ATP6V1G1: variants seen among roughly 807,000 people sequenced by gnomAD.
ATP6V1G1 encodes the protein V-type proton ATPase subunit G 1.
ATP6V1G1 carries 14 observed loss-of-function variants against 14.2 expected under a neutral mutation model. The observed-to-expected ratio is 0.99, with a 90% CI of 0.65 to 1.55. The LOEUF (loss-of-function observed/expected upper bound fraction) is 1.55. Ranked by LOEUF, ATP6V1G1 falls within the 40% of genes most tolerant of loss-of-function variation. The pLI, the probability that ATP6V1G1 is intolerant of heterozygous loss-of-function variation, is 0.00. For synonymous variants in ATP6V1G1, 65 were observed against 53.3 expected, an observed-to-expected ratio of 1.22 and a Z score of -0.96; for missense variants, 137 against 146.4, an observed-to-expected ratio of 0.94 and a Z score of 0.33.
chr9:114,594,365 A>C (rs1381353450), intron 2 of ATP6V1G1, among the ~76,000 whole-genome samples: 1 of 145,600 alleles, frequency 6.9e-6, no homozygotes, highest in African/African-American at 2.6e-5. Flanking sequence ...CACCGCGCCC[A>C]GCGCCCCCCG....
intron 2 of ATP6V1G1, among the ~76,000 whole-genome samples, chr9:114,594,385 T>C (rs1845214316): frequency 6.6e-6 from 1 of 150,732 alleles, no homozygotes; most frequent in Non-Finnish European, 1.5e-5. Flanking sequence ...GCCCCTTTTT[T>C]TTTTTTTTTC....
At chr9:114,591,804 C>CT (rs1564274135) in intron 1 of ATP6V1G1, among the ~76,000 whole-genome samples, 1 of 151,610 alleles carries the variant, frequency 6.6e-6, no homozygotes, top group African/African-American at 2.4e-5. Context: ...TCTAGAACCT[C>CT]TCTTTTTTTT....
chr9:114,588,521 G>GTT (rs776126721), intron 1 of ATP6V1G1, among the ~76,000 whole-genome samples: 6 of 143,906 alleles, frequency 4.2e-5, no homozygotes, highest in Non-Finnish European at 6.0e-5. Context: ...GTGTGTGTGT[G>GTT]TGTGTGTGTG....
intron 1 of ATP6V1G1, among the ~76,000 whole-genome samples, chr9:114,588,764 A>G (rs529881201): frequency 4.6e-5 from 7 of 152,058 alleles, no homozygotes; most frequent in Non-Finnish European, 8.8e-5. Flanking sequence ...CAGTCAATCC[A>G]TTCTCCTCTC....
At chr9:114,596,603 A>G (rs1002106200) in intron 2 of ATP6V1G1, among the ~76,000 whole-genome samples, 3 of 152,110 alleles carry the variant, frequency 2.0e-5, no homozygotes, top group Non-Finnish European at 4.4e-5. Context: ...AACTCCTTGT[A>G]TATTCCTCCT....
In ATP6V1G1 at chr9:114,597,832, A is replaced by T. The variant is rs1211379529; in HGVS notation, c.*89A>T. The T allele has an allele frequency of 3.3e-6, 4 of 1,195,504 alleles. No homozygotes were observed. The highest frequency in any genetic ancestry group is 4.3e-6 in the Non-Finnish European group (4 of 922,006). The allele number at this position is 1,195,504 out of a possible 1,614,324, so 74.1% of individuals were successfully genotyped here. ...ACAGCTCTAGTTACATTCTTATGAT[A>T]TGGCATTAAATTATTTCCATATATT... On this transcript the variant is annotated 3_prime_UTR_variant, in exon 3 of 3. Coordinates refer to ENST00000374050, the MANE Select transcript of ATP6V1G1 (RefSeq NM_004888.4).
At chr9:114,593,695 T>G (rs984837783) in intron 2 of ATP6V1G1, among the ~76,000 whole-genome samples, 1 of 152,004 alleles carries the variant, frequency 6.6e-6, no homozygotes, top group African/African-American at 2.4e-5. Context: ...GATAGGGTCT[T>G]GCTGTGTTGC....
In ATP6V1G1 at chr9:114,587,799, G is replaced by T. The variant is rs756894791; in HGVS notation, c.-40G>T. 7.7e-6 allele frequency: 12 copies of T among 1,557,162 alleles called. No individual in the cohort carries two copies. The highest frequency in any genetic ancestry group is 4.8e-5 in the East Asian group (2 of 41,878). On this transcript the variant is annotated 5_prime_UTR_variant, in exon 1 of 3. Coordinates refer to ENST00000374050, the MANE Select transcript of ATP6V1G1 (RefSeq NM_004888.4). ...AGCTGACCCAAGGGGCCTTCGAGGT[G>T]CCTTAGGCCGCTTGCCTTGCTCTCA...
At chr9:114,589,071 T>C (rs1249497235) in intron 1 of ATP6V1G1, among the ~76,000 whole-genome samples, 1 of 152,148 alleles carries the variant, frequency 6.6e-6, no homozygotes, top group African/African-American at 2.4e-5. Flanking sequence ...CCAATTCTCC[T>C]CCCCTTTGTT....
At chr9:114,597,483 A>T in intron 2 of ATP6V1G1, 87 bp from the exon 3 acceptor site, 1 of 1,357,568 alleles carries the variant, frequency 7.4e-7, no homozygotes, top group Non-Finnish European at 9.6e-7. Flanking sequence ...GGTTTCTCCA[A>T]AAGTCAACAA....
intron 1 of ATP6V1G1, among the ~76,000 whole-genome samples, chr9:114,589,790 G>T (rs75499107): frequency 2.1e-4 from 2 of 9,642 alleles, no homozygotes; most frequent in Non-Finnish European, 3.2e-4. Flanking sequence ...GCTTGGAATA[G>T]GTAAGAATAA....
In ATP6V1G1 at chr9:114,587,791, T is replaced by C. The variant is rs1845136844; in HGVS notation, c.-48T>C. On this transcript the variant is annotated 5_prime_UTR_variant, in exon 1 of 3. Coordinates refer to ENST00000374050, the MANE Select transcript of ATP6V1G1 (RefSeq NM_004888.4). ...GCTGTGTCAGCTGACCCAAGGGGCC[T>C]TCGAGGTGCCTTAGGCCGCTTGCCT... is the stretch of plus-strand genomic sequence containing the variant. 6.5e-7 allele frequency: 1 copy of C among 1,548,646 alleles called. No homozygotes were observed. The highest frequency in any genetic ancestry group is 8.7e-7 in the Non-Finnish European group (1 of 1,143,932).
At position 114,588,037 on chromosome 9, in the gene ATP6V1G1, C is replaced by T. The variant is rs571791879; in HGVS notation, c.82+117C>T. ...CGGGGTGCGGGCGTGCGTATAGTCG[C>T]GGAAGGTTGTGTGTTTCGAAGCTTT... On this transcript the variant is annotated intron_variant, in intron 1 of 2. Transcript: ENST00000374050. 1.2e-4 allele frequency: 138 copies of T among 1,140,994 alleles called. 3 individuals carry two copies. The South Asian group carries it at 1.9e-3, about 16-fold the overall frequency. 70.7% of individuals were successfully genotyped at this position (1,140,994 alleles called of 1,614,324 possible).
chr9:114,598,477 A>C lies in ATP6V1G1; in HGVS notation c.*734A>C, dbSNP rs1199287400. On this transcript the variant is annotated 3_prime_UTR_variant, in exon 3 of 3. Transcript: ENST00000374050. ...TGACCCAGATGGTCTGCAGAACTTC[A>C]CTTAGGACATTAGCACACAAATAGC... The C allele has an allele frequency of 1.3e-5, 2 of 152,420 alleles. No homozygotes were observed. Among genetic ancestry groups the C allele is most frequent in the Non-Finnish European group, 2.9e-5 (2 of 68,034 alleles). 9.4% of individuals were successfully genotyped at this position (152,420 alleles called of 1,614,324 possible).
chr9:114,588,077 C>T (rs928660331), intron 1 of ATP6V1G1, 157 bp downstream of exon 1: 4 of 798,800 alleles, frequency 5.0e-6, no homozygotes, highest in East Asian at 2.7e-5. Flanking sequence ...AGCTGAGGCT[C>T]TGGAAGGCTT....
chr9:114,595,876 G>A (rs1409443662), intron 2 of ATP6V1G1, among the ~76,000 whole-genome samples: 1 of 152,112 alleles, frequency 6.6e-6, no homozygotes, highest in African/African-American at 2.4e-5. Context: ...ATGCAAATAT[G>A]AAGGGATGTT....
chr9:114,595,546 T>G (rs545486787), intron 2 of ATP6V1G1, among the ~76,000 whole-genome samples: 2 of 152,242 alleles, frequency 1.3e-5, no homozygotes, highest in Admixed American at 6.5e-5. Context: ...TCCAGCTACT[T>G]GGGAGGCTCA....
At chr9:114,593,620 C>T (rs1845205701) in intron 2 of ATP6V1G1, among the ~76,000 whole-genome samples, 1 of 152,166 alleles carries the variant, frequency 6.6e-6, no homozygotes, top group African/African-American at 2.4e-5. Context: ...GCCCAGCCTT[C>T]TGAGTAGCTA....
intron 2 of ATP6V1G1, 135 bp from the exon 3 acceptor site, chr9:114,597,435 A>G (rs10982322): frequency 0.085 from 69,383 of 812,668 alleles, 3,547 homozygotes; most frequent in South Asian, 0.13. Flanking sequence ...CCATGAGGTC[A>G]TATTGCCAGC....
Sources: gnomAD v4.1 joint callset for allele counts (sites outside exome capture counted in the v4.1 genomes callset) on GRCh38, gnomAD v4.1.1 for gene constraint, MANE v1.5 for transcripts, NCBI Gene and HGNC (gene_info 2026-07-23, HGNC 2026-07-21) for gene names.